PCDHGB2: variants seen among roughly 807,000 people sequenced by gnomAD.
The protein encoded by PCDHGB2 is protocadherin gamma subfamily B, 2, also known as protocadherin gamma-B2.
Under a neutral mutation model 59.3 loss-of-function variants are expected in PCDHGB2, and 55 were observed. The observed-to-expected ratio is 0.93, with a 90% confidence interval of 0.75 to 1.16. The LOEUF (loss-of-function observed/expected upper bound fraction) is 1.16, where lower values mean the gene tolerates loss of function less well. Ranked by LOEUF, PCDHGB2 falls within the 50% of genes most tolerant of loss-of-function variation. The pLI, the probability that PCDHGB2 is intolerant of heterozygous loss-of-function variation, is 0.00. For synonymous variants in PCDHGB2, 516 were observed against 512.0 expected, an observed-to-expected ratio of 1.01 and a Z score of -0.11; for missense variants, 1,228 against 1,198.5, an observed-to-expected ratio of 1.02 and a Z score of -0.36.
rs143737031 is a variant in PCDHGB2 at position 141,454,359 on chromosome 5, G to C, written c.2422-40448G>C. Among the ~76,000 whole-genome samples, 105 of 152,200 alleles carry C rather than the reference G, an allele frequency of 6.9e-4. No individual in the cohort carries two copies. In the East Asian group the frequency reaches 0.014, roughly 20 times the overall value. ...AATGTTGGAAGTTGATCCAAACTTA[G>C]AAAGGAGTATGGCAACTTGTCAAGA... On this transcript the variant is annotated intron_variant, in intron 1 of 3. Coordinates refer to ENST00000522605, the MANE Select transcript of PCDHGB2 (RefSeq NM_018923.3).
At chr5:141,375,529 C>A (rs370346410) in intron 1 of PCDHGB2, 3 of 1,614,026 alleles carry the variant, frequency 1.9e-6, no homozygotes, top group African/African-American at 1.3e-5. Flanking sequence ...CTGACGTGGA[C>A]CAGAACGCCC....
chr5:141,395,093 C>T (rs1372671941), intron 1 of PCDHGB2: 1 of 1,614,158 alleles, frequency 6.2e-7, no homozygotes, highest in Non-Finnish European at 8.5e-7. Flanking sequence ...TCTCCCTCAC[C>T]GCCGACTCGC....
chr5:141,380,459 C>T (rs1776510464), intron 1 of PCDHGB2, among the ~76,000 whole-genome samples: 1 of 152,164 alleles, frequency 6.6e-6, no homozygotes, highest in Non-Finnish European at 1.5e-5. Flanking sequence ...TGCAACCAAA[C>T]AAATGGTCAG....
At chr5:141,371,042 T>C in intron 1 of PCDHGB2, 1 of 1,613,964 alleles carries the variant, frequency 6.2e-7, no homozygotes, top group Non-Finnish European at 8.5e-7. Flanking sequence ...CAGCTGTGGA[T>C]GGGGGCGAGC....
chr5:141,486,444 T>G lies in PCDHGB2; in HGVS notation c.2422-8363T>G. 1 of 1,614,086 alleles carries G rather than the reference T, an allele frequency of 6.2e-7. No homozygotes were observed. Among genetic ancestry groups the G allele is most frequent in the Non-Finnish European group, 8.5e-7 (1 of 1,179,930 alleles). ...GAGGCCAAATCTAGCTATGACATCA[T>G]GGTCACTGCTTCTGATGCTGGGAAC... On this transcript the variant is annotated intron_variant, in intron 1 of 3. Coordinates refer to ENST00000522605, the MANE Select transcript of PCDHGB2 (RefSeq NM_018923.3). The surrounding 1 kb of genome is among the most constrained non-coding windows in gnomAD (Gnocchi z 5.0).
intron 1 of PCDHGB2, among the ~76,000 whole-genome samples, chr5:141,420,710 G>A (rs2096519301): frequency 6.6e-6 from 1 of 152,186 alleles, no homozygotes; most frequent in South Asian, 2.1e-4. Flanking sequence ...TTCCAGAAAT[G>A]TCGTTCCTTT....
chr5:141,501,300 C>T (rs867143352), intron 2 of PCDHGB2, among the ~76,000 whole-genome samples: 2,626 of 150,646 alleles, frequency 0.017, 74 homozygotes, highest in African/African-American at 0.06. Context: ...TACACACACA[C>T]ACACACACAC....
intron 1 of PCDHGB2, among the ~76,000 whole-genome samples, chr5:141,449,061 A>G (rs1280366583): frequency 1.3e-5 from 2 of 152,190 alleles, no homozygotes; most frequent in Non-Finnish European, 2.9e-5. Context: ...AATGAGCGCT[A>G]TTGAATAGCC....
intron 2 of PCDHGB2, among the ~76,000 whole-genome samples, chr5:141,498,601 G>A (rs2099784606): frequency 6.6e-6 from 1 of 152,126 alleles, no homozygotes; most frequent in African/African-American, 2.4e-5. Flanking sequence ...CTTGGTTCAA[G>A]TTCAAGTCAG....
At chr5:141,367,105 T>G (rs1303290494) in intron 1 of PCDHGB2, 2 of 234,148 alleles carry the variant, frequency 8.5e-6, no homozygotes, top group East Asian at 2.4e-4. Flanking sequence ...AGTGTCTGCC[T>G]AGACACCATT....
rs1451071413 is a variant in PCDHGB2, at chr5:141,415,742, T to G, written c.2421+53186T>G. 19 of 216,608 alleles carry G rather than the reference T, an allele frequency of 8.8e-5. 1 individual carries two copies. In the Admixed American group the frequency reaches 4.5e-3, roughly 51 times the overall value. 13.4% of individuals were successfully genotyped at this position (216,608 alleles called of 1,614,324 possible). ...AGTAGAATTTGATGTTTATTAAGGT[T>G]TTTTTTTTTTTTTTTTTTTTTTTTT... On this transcript the variant is annotated intron_variant, in intron 1 of 3. Transcript: ENST00000522605.
chr5:141,415,435 C>G, intron 1 of PCDHGB2: 1 of 1,614,202 alleles, frequency 6.2e-7, no homozygotes. Flanking sequence ...TCGGGCTTTC[C>G]TGCAGACCTA....
rs2154532733 is a variant in PCDHGB2, at chr5:141,403,281, T to C, written c.2421+40725T>C. ...TGTCTGGTGAACTTTAAAGTCCTGGTTGAAGACAGAGTGAAACTGTACGGA... is the reference window on the plus strand; with the variant it reads ...TGTCTGGTGAACTTTAAAGTCCTGGCTGAAGACAGAGTGAAACTGTACGGA... On this transcript the variant is annotated intron_variant, in intron 1 of 3. Transcript: ENST00000522605. The C allele has an allele frequency of 2.5e-6, 4 of 1,613,908 alleles. No individual in the cohort carries two copies. Among genetic ancestry groups the C allele is most frequent in the African/African-American group, 1.3e-5 (1 of 75,080 alleles).
intron 1 of PCDHGB2, among the ~76,000 whole-genome samples, chr5:141,407,218 G>A (rs1056826116): frequency 1.3e-5 from 2 of 152,108 alleles, no homozygotes; most frequent in Admixed American, 6.5e-5. Flanking sequence ...CCTTAAGTGG[G>A]TAGCAAAAAA....
chr5:141,414,578 A>G, intron 1 of PCDHGB2: 1 of 1,613,960 alleles, frequency 6.2e-7, no homozygotes, highest in Non-Finnish European at 8.5e-7. Context: ...ATCCCAGAGA[A>G]CAACGCCAGG....
intron 2 of PCDHGB2, among the ~76,000 whole-genome samples, chr5:141,497,859 G>A (rs188372194): frequency 2.0e-4 from 31 of 152,134 alleles, no homozygotes; most frequent in Middle Eastern, 6.8e-3. Context: ...TTGATTCAGC[G>A]GCTCCAAAGT....
intron 1 of PCDHGB2, among the ~76,000 whole-genome samples, chr5:141,481,710 T>C (rs1447483213): frequency 6.6e-6 from 1 of 151,556 alleles, no homozygotes; most frequent in Non-Finnish European, 1.5e-5. Context: ...TCCCAGCACT[T>C]TGGGAGGCGG....
intron 1 of PCDHGB2, among the ~76,000 whole-genome samples, chr5:141,469,004 C>T (rs570896326): frequency 3.3e-5 from 5 of 151,802 alleles, no homozygotes; most frequent in Admixed American, 2.0e-4. Flanking sequence ...TTGCTGGGTG[C>T]GGTGGGTCAC....
Position 141,447,434 on chromosome 5 carries a change from G to A in PCDHGB2, c.2422-47373G>A, listed in dbSNP as rs114249648. ...ATTACAGGCGTGAGCCACCGCACCC[G>A]GAGGAAATTTTTAACCTCAGTTTTT... On this transcript the variant is annotated intron_variant, in intron 1 of 3. Transcript: ENST00000522605. 2.8e-3 allele frequency among the ~76,000 whole-genome samples: 425 copies of A among 152,164 alleles called. 1 individual carries two copies. The highest frequency in any genetic ancestry group is 9.5e-3 in the African/African-American group (394 of 41,546).
Sources: gnomAD v4.1 joint callset for allele counts (sites outside exome capture counted in the v4.1 genomes callset) on GRCh38, gnomAD v4.1.1 for gene constraint, Gnocchi (gnomAD v3.1) non-coding constraint, MANE v1.5 for transcripts, NCBI Gene and HGNC (gene_info 2026-07-23, HGNC 2026-07-21) for gene names.